The following FNDC3A variants were observed in gnomAD, a reference collection of about 807,000 sequenced individuals.
FNDC3A encodes the protein fibronectin type III domain containing 3A.
FNDC3A carries 32 observed loss-of-function variants against 148.9 expected under a neutral mutation model. That is an observed-to-expected ratio of 0.21 (90% CI 0.16 to 0.29). The LOEUF is 0.29. FNDC3A is among the 10% of genes least tolerant of loss of function. FNDC3A has a pLI of 1.00. For synonymous variants in FNDC3A, 472 were observed against 473.6 expected (o/e 1.00, Z 0.04); for missense variants, 1,191 against 1,452.8 (o/e 0.82, Z 2.93).
chr13:49,162,386 C>A (rs1884192864), intron 8 of FNDC3A, among the ~76,000 whole-genome samples: 1 of 152,110 alleles, frequency 6.6e-6, no homozygotes, highest in Non-Finnish European at 1.5e-5. Context: ...CCCTTTCTTC[C>A]ACTTGATGGA....
intron 23 of FNDC3A, among the ~76,000 whole-genome samples, chr13:49,199,266 C>T (rs1296088996): frequency 1.3e-5 from 2 of 152,046 alleles, no homozygotes; most frequent in African/African-American, 4.8e-5. Context: ...AGTGGTCCTC[C>T]CCGCTCAGCC....
intron 3 of FNDC3A, among the ~76,000 whole-genome samples, chr13:49,099,432 A>C (rs1003013423): frequency 2.6e-5 from 4 of 152,122 alleles, no homozygotes; most frequent in African/African-American, 7.2e-5. Context: ...GTAGTGGCAG[A>C]AGTATTTGAT....
At chr13:49,134,087 T>A (rs1882189229) in intron 5 of FNDC3A, among the ~76,000 whole-genome samples, 1 of 152,194 alleles carries the variant, frequency 6.6e-6, no homozygotes, top group Non-Finnish European at 1.5e-5. Context: ...TTTTCTATAT[T>A]CAGTATGTAC....
chr13:49,096,200 C>A (rs1879514651), intron 3 of FNDC3A, among the ~76,000 whole-genome samples: 1 of 152,076 alleles, frequency 6.6e-6, no homozygotes, highest in Non-Finnish European at 1.5e-5. Context: ...ATAAGAATCA[C>A]AAAATAACAT....
chr13:49,093,882 G>A (rs1879350960), intron 3 of FNDC3A, among the ~76,000 whole-genome samples: 1 of 152,096 alleles, frequency 6.6e-6, no homozygotes, highest in Non-Finnish European at 1.5e-5. Context: ...GCATGATGCT[G>A]GGGCAAACAG....
intron 3 of FNDC3A, among the ~76,000 whole-genome samples, chr13:49,111,038 G>C (rs1304479956): frequency 6.6e-6 from 1 of 152,180 alleles, no homozygotes; most frequent in Middle Eastern, 3.2e-3. Flanking sequence ...GAGCTGCTAA[G>C]TGTATGCACA....
rs753341268 is a variant in FNDC3A at position 49,075,321 on chromosome 13, A to T, written c.132A>T (p.Ala44=). ...VILVQVNPGE[A]FTIRREDGQF... is the part of the protein sequence containing the mutation. Reference sequence around the variant, plus strand: ...TGGTACAAGTTAACCCAGGAGAAGCATTTACAATAAGAAGAGAAGATGGAC... The same window carrying T: ...TGGTACAAGTTAACCCAGGAGAAGCTTTTACAATAAGAAGAGAAGATGGAC... The change falls in exon 3 of 26, where the codon GCA becomes GCT. Residue 44 remains alanine (A), a synonymous_variant. Transcript: ENST00000492622. 6.2e-7 allele frequency: 1 copy of T among 1,604,162 alleles called. No homozygotes were observed. The highest frequency in any genetic ancestry group is 8.5e-7 in the Non-Finnish European group (1 of 1,171,496).
chr13:49,021,633 T>C (rs1873334092), intron 2 of FNDC3A, among the ~76,000 whole-genome samples: 1 of 152,212 alleles, frequency 6.6e-6, no homozygotes. Flanking sequence ...TCACTGTCCA[T>C]ATCAGGATCT....
chr13:49,024,860 C>T (rs1281504137), intron 2 of FNDC3A, among the ~76,000 whole-genome samples: 1 of 151,916 alleles, frequency 6.6e-6, no homozygotes, highest in South Asian at 2.1e-4. Flanking sequence ...TTAGCCAACC[C>T]ACTTATACTG....
At chr13:49,082,041 A>T (rs997437701) in intron 3 of FNDC3A, among the ~76,000 whole-genome samples, 8 of 151,724 alleles carry the variant, frequency 5.3e-5, no homozygotes, top group Non-Finnish European at 1.2e-4. Context: ...GCTAACGTTA[A>T]TAAATGTCAA....
At chr13:49,078,746 C>T (rs1878280739) in intron 3 of FNDC3A, among the ~76,000 whole-genome samples, 1 of 152,184 alleles carries the variant, frequency 6.6e-6, no homozygotes, top group African/African-American at 2.4e-5. Flanking sequence ...TGGCAAGCCC[C>T]TTCGTGGACT....
chr13:49,194,619 T>C (rs148459693), intron 19 of FNDC3A, among the ~76,000 whole-genome samples: 211 of 152,326 alleles, frequency 1.4e-3, no homozygotes, highest in African/African-American at 4.9e-3. Context: ...ATAAGGAGTT[T>C]ACTGAAGACT....
At chr13:49,081,447 A>T (rs1878464136) in intron 3 of FNDC3A, among the ~76,000 whole-genome samples, 1 of 152,230 alleles carries the variant, frequency 6.6e-6, no homozygotes, top group Non-Finnish European at 1.5e-5. Flanking sequence ...TTTGAGTTCA[A>T]ACTTTGCCAC....
intron 2 of FNDC3A, among the ~76,000 whole-genome samples, chr13:49,074,768 CCA>C (rs1877981698): frequency 6.6e-6 from 1 of 151,864 alleles, no homozygotes; most frequent in South Asian, 2.1e-4. Context: ...GTTTTTTTCC[CCA>C]GTTTCCTGTT....
In FNDC3A at chr13:49,179,021, C is replaced by T. The variant is rs370435367; in HGVS notation, c.1617+367C>T. ...GGATTACAGACACAAGCCACTGCAC[C>T]CAACCTCTATTCTTACTGTTTTAAA... is the stretch of plus-strand genomic sequence containing the variant. On this transcript the variant is annotated intron_variant, in intron 14 of 25. Transcript: ENST00000492622. Among the ~76,000 whole-genome samples, 29 of 152,328 alleles carry T rather than the reference C, an allele frequency of 1.9e-4. No individual in the cohort carries two copies. The East Asian group carries it at 5.0e-3, about 26-fold the overall frequency.
rs978736496 is a variant in FNDC3A at position 49,188,793 on chromosome 13, T to A, written c.1944+160T>A. Among the ~76,000 whole-genome samples, 84 of 152,358 alleles carry A rather than the reference T, an allele frequency of 5.5e-4. 1 individual carries two copies. The highest frequency in any genetic ancestry group is 2.1e-4 in the South Asian group (1 of 4,826). On this transcript the variant is annotated intron_variant, in intron 17 of 25. Coordinates refer to ENST00000492622, the MANE Select transcript of FNDC3A (RefSeq NM_001079673.2). Reference sequence around the variant, plus strand: ...TTTGATAGTGACCAAAATATTCTAATGTGGTACTTAGCTCACAGTAAGTAT... The same window carrying A: ...TTTGATAGTGACCAAAATATTCTAAAGTGGTACTTAGCTCACAGTAAGTAT...
chr13:49,051,127 C>CT (rs1382485814), intron 2 of FNDC3A, among the ~76,000 whole-genome samples: 1 of 152,140 alleles, frequency 6.6e-6, no homozygotes, highest in Non-Finnish European at 1.5e-5. Flanking sequence ...TTAAGTGGAG[C>CT]ACTTAGGCCA....
chr13:49,150,140 T>C (rs961501769), intron 8 of FNDC3A, among the ~76,000 whole-genome samples: 3 of 152,184 alleles, frequency 2.0e-5, no homozygotes, highest in Admixed American at 6.5e-5. Flanking sequence ...CATCTTGCGA[T>C]GTTGCCTAAG....
chr13:49,179,239 G>A (rs1016025990), intron 14 of FNDC3A, among the ~76,000 whole-genome samples: 1 of 149,926 alleles, frequency 6.7e-6, no homozygotes, highest in Admixed American at 6.7e-5. Flanking sequence ...AACATACTAA[G>A]TATATGCTTT....
Sources: gnomAD v4.1 joint callset for allele counts (sites outside exome capture counted in the v4.1 genomes callset) on GRCh38, gnomAD v4.1.1 for gene constraint, MANE v1.5 for transcripts, NCBI Gene and HGNC (gene_info 2026-07-23, HGNC 2026-07-21) for gene names.